Variants in AGBL1 observed in about 807,000 individuals in gnomAD.
AGBL1 encodes AGBL carboxypeptidase 1, also known as cytosolic carboxypeptidase 4.
In AGBL1, 130 loss-of-function variants were observed where a neutral mutation model predicts 118.9. The observed-to-expected ratio is 1.09, with a 90% CI of 0.95 to 1.26. AGBL1 has a LOEUF of 1.26. Ranked by LOEUF, AGBL1 falls within the 50% of genes most tolerant of loss-of-function variation. AGBL1 has a pLI of 0.00. For missense variants in AGBL1, 1,584 were observed against 1,298.1 expected, an observed-to-expected ratio of 1.22 and a Z score of -3.38; for synonymous variants, 555 against 478.9, an observed-to-expected ratio of 1.16 and a Z score of -2.08.
chr15:86,322,183 T>A (rs1259267977), intron 17 of AGBL1, among the ~76,000 whole-genome samples: 1 of 151,732 alleles, frequency 6.6e-6, no homozygotes, highest in African/African-American at 2.4e-5. Context: ...GTCTGTGCTA[T>A]TTGAATCTTA....
chr15:86,616,434 G>A (rs922063790), intron 21 of AGBL1, among the ~76,000 whole-genome samples: 4 of 152,006 alleles, frequency 2.6e-5, no homozygotes, highest in African/African-American at 9.7e-5. Context: ...TACTATAGAG[G>A]TTGGACTGTA....
chr15:86,813,026 A>C (rs1567185826), intron 22 of AGBL1, among the ~76,000 whole-genome samples: 1 of 152,070 alleles, frequency 6.6e-6, no homozygotes, highest in Non-Finnish European at 1.5e-5. Flanking sequence ...ATTGTCCAAG[A>C]GGAAGAAAGT....
chr15:86,703,582 A>T (rs1049454745), intron 22 of AGBL1, among the ~76,000 whole-genome samples: 1 of 152,128 alleles, frequency 6.6e-6, no homozygotes. Flanking sequence ...TCCCTACCCA[A>T]ATGTCACCTT....
At chr15:86,286,028 G>GCTA (rs2079439474) in intron 16 of AGBL1, among the ~76,000 whole-genome samples, 1 of 151,728 alleles carries the variant, frequency 6.6e-6, no homozygotes, top group African/African-American at 2.4e-5. Flanking sequence ...GCACCAAAGG[G>GCTA]CTATGGCTTA....
chr15:86,738,322 A>T (rs1596427373), intron 22 of AGBL1, among the ~76,000 whole-genome samples: 1 of 152,228 alleles, frequency 6.6e-6, no homozygotes, highest in African/African-American at 2.4e-5. Context: ...CTAGAACAAG[A>T]CAAGGATGCC....
intron 24 of AGBL1, among the ~76,000 whole-genome samples, chr15:86,994,299 ATCTC>A (rs371186528): frequency 0.099 from 14,959 of 151,104 alleles, 1,298 homozygotes; most frequent in African/African-American, 0.24. Context: ...ACAAGGGAAT[ATCTC>A]TCTCTCTCTA....
chr15:86,511,334 A>C (rs557457077), intron 18 of AGBL1, among the ~76,000 whole-genome samples: 5 of 152,136 alleles, frequency 3.3e-5, no homozygotes, highest in African/African-American at 4.8e-5. Context: ...CCAGAGTTCA[A>C]CAGGCAAATC....
intron 21 of AGBL1, among the ~76,000 whole-genome samples, chr15:86,667,238 G>GTATCTATCTATCTATCTATCTATCTATC (rs1317883898): frequency 4.0e-5 from 4 of 100,898 alleles, no homozygotes; most frequent in African/African-American, 1.3e-4. Flanking sequence ...ATGTATGTAT[G>GTATCTATCTATCTATCTATCTATCTATC]TATGTATGTA....
chr15:86,260,375 A>G (rs1451265585), intron 9 of AGBL1, among the ~76,000 whole-genome samples: 1 of 152,178 alleles, frequency 6.6e-6, no homozygotes, highest in Non-Finnish European at 1.5e-5. Flanking sequence ...GGGCTATGAG[A>G]GTGGAAAGTA....
downstream of AGBL1, chr15:86,916,283 A>G (rs1348492580): frequency 6.6e-6 from 1 of 152,202 alleles, no homozygotes; most frequent in African/African-American, 2.4e-5. Context: ...AGCCTGTCCA[A>G]GGAGGCAAGC....
At chr15:86,558,689 G>A (rs953709523) in intron 21 of AGBL1, among the ~76,000 whole-genome samples, 3 of 152,200 alleles carry the variant, frequency 2.0e-5, no homozygotes, top group African/African-American at 7.2e-5. Context: ...GTGGGGATGA[G>A]TTTCATATAG....
intron 22 of AGBL1, among the ~76,000 whole-genome samples, chr15:86,681,763 T>C (rs1034386239): frequency 2.6e-5 from 4 of 152,170 alleles, no homozygotes; most frequent in Admixed American, 1.3e-4. Flanking sequence ...GGTGGTGCTT[T>C]CTCTTCAAGA....
chr15:86,324,970 A>T (rs2080164322), intron 17 of AGBL1, among the ~76,000 whole-genome samples: 1 of 152,160 alleles, frequency 6.6e-6, no homozygotes, highest in Non-Finnish European at 1.5e-5. Context: ...TGACTGGACA[A>T]GGGAGACAGT....
intron 23 of AGBL1, among the ~76,000 whole-genome samples, chr15:86,926,431 T>A (rs1019648161): frequency 2.0e-5 from 3 of 152,196 alleles, no homozygotes; most frequent in Non-Finnish European, 2.9e-5. Context: ...ATACCTGCCA[T>A]GTAAACAACC....
chr15:86,883,939 A>AC (rs2079933039), intron 22 of AGBL1, among the ~76,000 whole-genome samples: 1 of 151,468 alleles, frequency 6.6e-6, no homozygotes, highest in South Asian at 2.1e-4. Context: ...AAGTTCTACG[A>AC]CCCCCCAGTG....
intron 18 of AGBL1, among the ~76,000 whole-genome samples, chr15:86,480,488 A>G (rs1440162134): frequency 6.6e-6 from 1 of 152,116 alleles, no homozygotes. Context: ...AAATTGCACC[A>G]GAAATGAGTC....
At chr15:86,181,958 C>T (rs1477115559) in intron 5 of AGBL1, among the ~76,000 whole-genome samples, 6 of 151,996 alleles carry the variant, frequency 3.9e-5, no homozygotes, top group African/African-American at 9.7e-5. Context: ...TTAGATCATG[C>T]ATTCATTCAT....
intron 22 of AGBL1, among the ~76,000 whole-genome samples, chr15:86,698,969 C>T (rs1219192360): frequency 6.6e-6 from 1 of 151,950 alleles, no homozygotes; most frequent in African/African-American, 2.4e-5. Flanking sequence ...ACCAAAATAT[C>T]AGTTTTTAAG....
At chr15:86,832,789 G>A (rs1393755364) in intron 22 of AGBL1, among the ~76,000 whole-genome samples, 1 of 152,146 alleles carries the variant, frequency 6.6e-6, no homozygotes, top group African/African-American at 2.4e-5. Context: ...CTGTTACCCA[G>A]TTCCAAAGTC....
Sources: allele counts gnomAD v4.1 joint callset (sites outside exome capture counted in the v4.1 genomes callset), GRCh38; gene constraint gnomAD v4.1.1; transcripts MANE v1.5; gene names NCBI Gene and HGNC (gene_info 2026-07-23, HGNC 2026-07-21).